Variants in OSBP observed in about 807,000 individuals in gnomAD.
The protein encoded by OSBP is oxysterol-binding protein 1.
OSBP carries 32 observed loss-of-function variants against 96.6 expected under a neutral mutation model. The ratio of observed to expected loss-of-function variants is 0.33; its 90% CI spans 0.25 to 0.45. The LOEUF (loss-of-function observed/expected upper bound fraction) is 0.45. OSBP is among the 20% of genes least tolerant of loss of function. OSBP has a pLI of 1.00. For synonymous variants in OSBP, 369 were observed against 389.6 expected, an observed-to-expected ratio of 0.95 and a Z score of 0.62; for missense variants, 653 against 1,029.7, an observed-to-expected ratio of 0.63 and a Z score of 5.01.
rs1253708106 is a variant in OSBP at position 59,574,707 on chromosome 11, C to T, written c.*1870G>A. On this transcript the variant is annotated 3_prime_UTR_variant, in exon 14 of 14. Transcript: ENST00000263847. ...CCTTGAAAGAAGCCTTGACATAATC[C>T]CTGGCTTATTTTGGGAATAAGGTTC... is the stretch of plus-strand genomic sequence containing the variant. 1 of 152,498 alleles carries T rather than the reference C, an allele frequency of 6.6e-6. No homozygotes were observed. Among genetic ancestry groups the T allele is most frequent in the East Asian group, 1.9e-4 (1 of 5,190 alleles). The allele number at this position is 152,498 out of a possible 1,614,324, so 9.4% of individuals were successfully genotyped here. A position where few individuals can be genotyped will look rare whatever the true frequency, so the allele number is the denominator to read the frequency against.
chr11:59,614,343 A>G (rs1397057960), intron 1 of OSBP, among the ~76,000 whole-genome samples: 1 of 152,212 alleles, frequency 6.6e-6, no homozygotes. Context: ...GTTGGGAGTC[A>G]ACAAAATACT....
intron 9 of OSBP, among the ~76,000 whole-genome samples, chr11:59,590,347 T>C (rs898288104): frequency 3.3e-5 from 5 of 152,238 alleles, no homozygotes; most frequent in African/African-American, 7.2e-5. Context: ...AACTGATGGC[T>C]TGTAGTCTCT....
At chr11:59,577,077 A>G in intron 12 of OSBP, 52 bp from the exon 13 acceptor site, 3 of 1,473,190 alleles carry the variant, frequency 2.0e-6, no homozygotes, top group Non-Finnish European at 2.8e-6. Context: ...CCCAGACCCT[A>G]TTTAAAGAGC....
intron 3 of OSBP, among the ~76,000 whole-genome samples, chr11:59,604,420 G>A (rs369469205): frequency 3.3e-5 from 5 of 152,058 alleles, no homozygotes; most frequent in African/African-American, 1.2e-4. Flanking sequence ...TTAAAAAAGA[G>A]GCTGGGTATA....
intron 9 of OSBP, among the ~76,000 whole-genome samples, chr11:59,593,090 G>A (rs574616406): frequency 6.6e-6 from 1 of 152,258 alleles, no homozygotes; most frequent in South Asian, 2.1e-4. Context: ...GAGGCACTGT[G>A]CCCAGCCCCA....
rs1860711791 is a variant in OSBP, at chr11:59,600,628, C to T, written c.1180-1G>A. 6.2e-7 allele frequency: 1 copy of T among 1,613,462 alleles called. No homozygotes were observed. The highest frequency in any genetic ancestry group is 1.7e-5 in the Admixed American group (1 of 59,904). ...TGGTCTCCTCCAGCTGATGCTTGTA[C>T]TGAGAGCAAAACAAAGCCATTCAAC... On this transcript the variant is annotated splice_acceptor_variant, in intron 6 of 13. Coordinates refer to ENST00000263847, the MANE Select transcript of OSBP (RefSeq NM_002556.3). LOFTEE classifies it high-confidence loss of function.
intron 9 of OSBP, among the ~76,000 whole-genome samples, chr11:59,593,270 A>G (rs775742748): frequency 8.5e-5 from 13 of 152,190 alleles, no homozygotes; most frequent in Non-Finnish European, 1.3e-4. Context: ...AGAGAACCTG[A>G]CTGCCAAAGT....
intron 10 of OSBP, 124 bp downstream of exon 10, chr11:59,581,327 T>C (rs1860417636): frequency 2.1e-6 from 1 of 483,284 alleles, no homozygotes. Context: ...AGAAATTCCT[T>C]AGGAGAAACT....
At chr11:59,582,793 A>G (rs1466828118) in intron 9 of OSBP, among the ~76,000 whole-genome samples, 1 of 152,158 alleles carries the variant, frequency 6.6e-6, no homozygotes. Context: ...GTATTGCACT[A>G]TGAATGTTTC....
chr11:59,588,732 G>A (rs1783214), intron 9 of OSBP, among the ~76,000 whole-genome samples: 12 of 152,106 alleles, frequency 7.9e-5, no homozygotes, highest in African/African-American at 2.2e-4. Context: ...GAGGCTGGGC[G>A]CAGTGGCTCA....
chr11:59,576,519 C>T lies in OSBP; in HGVS notation c.*58G>A, dbSNP rs2134648729. 12 of 1,551,450 alleles carry T rather than the reference C, an allele frequency of 7.7e-6. No homozygotes were observed. The highest frequency in any genetic ancestry group is 1.0e-5 in the Non-Finnish European group (12 of 1,146,288). ...TAAGAGAGTCACAACTTCCAGCTTT[C>T]CCACACATCCTCTGTCCTCTTCTCC... is the stretch of plus-strand genomic sequence containing the variant. On this transcript the variant is annotated 3_prime_UTR_variant, in exon 14 of 14. Coordinates refer to ENST00000263847, the MANE Select transcript of OSBP (RefSeq NM_002556.3).
At chr11:59,603,060 C>G (rs1325377643) in intron 3 of OSBP, among the ~76,000 whole-genome samples, 1 of 152,228 alleles carries the variant, frequency 6.6e-6, no homozygotes, top group African/African-American at 2.4e-5. Flanking sequence ...TGTGACATCT[C>G]CCCACCAGTC....
chr11:59,591,391 G>C (rs1375599087), intron 9 of OSBP, among the ~76,000 whole-genome samples: 4 of 152,126 alleles, frequency 2.6e-5, no homozygotes, highest in Non-Finnish European at 4.4e-5. Context: ...ATTTGTGAGA[G>C]ATTGGTTCCA....
At chr11:59,578,402 G>T in intron 11 of OSBP, 72 bp from the exon 12 acceptor site, 1 of 1,429,370 alleles carries the variant, frequency 7.0e-7, no homozygotes, top group Non-Finnish European at 9.7e-7. Flanking sequence ...TATACTGGAA[G>T]TCCTAGGATA....
At chr11:59,593,894 T>C (rs1860616507) in intron 8 of OSBP, 116 bp downstream of exon 8, 5 of 1,449,278 alleles carry the variant, frequency 3.4e-6, no homozygotes, top group Non-Finnish European at 4.6e-6. Context: ...AGAAAAAGAA[T>C]AAAAGCTGGG....
intron 9 of OSBP, among the ~76,000 whole-genome samples, chr11:59,583,634 G>GT (rs764596509): frequency 0.013 from 851 of 64,310 alleles, 199 homozygotes; most frequent in Middle Eastern, 0.019. Flanking sequence ...CTAAATCTCT[G>GT]TTTTTTTTTT....
At chr11:59,594,279 A>C in intron 7 of OSBP, 24 bp from the exon 8 acceptor site, 1 of 1,611,130 alleles carries the variant, frequency 6.2e-7, no homozygotes, top group Middle Eastern at 1.7e-4. Context: ...AACAGATATA[A>C]AAACTATGCT....
In OSBP at chr11:59,576,724, A is replaced by G; in HGVS notation, c.2282-5T>C. Reference sequence around the variant, plus strand: ...TATAGGGATCATATGGTGTGCCTAAAAGGAAAAGAGAGGAAAGAAAAAAAT... The same window carrying G: ...TATAGGGATCATATGGTGTGCCTAAGAGGAAAAGAGAGGAAAGAAAAAAAT... On this transcript the variant is annotated splice_region_variant and splice_polypyrimidine_tract_variant and intron_variant, in intron 13 of 13. Transcript: ENST00000263847. 1 of 1,612,560 alleles carries G rather than the reference A, an allele frequency of 6.2e-7. No individual in the cohort carries two copies.
At chr11:59,582,667 T>G (rs989025889) in intron 9 of OSBP, among the ~76,000 whole-genome samples, 2 of 152,194 alleles carry the variant, frequency 1.3e-5, no homozygotes, top group Non-Finnish European at 2.9e-5. Flanking sequence ...GCAGGTGGCC[T>G]AGGGCCTCCA....
Sources: gnomAD v4.1 joint callset for allele counts (sites outside exome capture counted in the v4.1 genomes callset) on GRCh38, gnomAD v4.1.1 for gene constraint, MANE v1.5 for transcripts, NCBI Gene and HGNC (gene_info 2026-07-23, HGNC 2026-07-21) for gene names.